CDCA7L: variants seen among roughly 807,000 people sequenced by gnomAD.
CDCA7L encodes the protein cell division cycle associated 7 like.
Under a neutral mutation model 57.4 loss-of-function variants are expected in CDCA7L, and 44 were observed. The observed-to-expected ratio is 0.77, with a 90% confidence interval of 0.60 to 0.98. The LOEUF (loss-of-function observed/expected upper bound fraction) is 0.98. CDCA7L is among the 50% of genes least tolerant of loss of function. The probability of loss-of-function intolerance (pLI) is 0.00; values close to 1 mark genes in which losing one functional copy is unlikely to be tolerated. For missense variants in CDCA7L, 644 were observed against 580.6 expected, an observed-to-expected ratio of 1.11 and a Z score of -1.12; for synonymous variants, 236 against 202.8, an observed-to-expected ratio of 1.16 and a Z score of -1.39.
intron 1 of CDCA7L, among the ~76,000 whole-genome samples, chr7:21,922,966 T>C (rs1253487858): frequency 1.3e-5 from 2 of 152,082 alleles, no homozygotes; most frequent in Admixed American, 1.3e-4. Flanking sequence ...CCTAGAGTGG[T>C]TGAATCCTCG....
intron 1 of CDCA7L, among the ~76,000 whole-genome samples, chr7:21,921,236 A>G (rs1018867786): frequency 2.0e-5 from 3 of 151,948 alleles, no homozygotes; most frequent in African/African-American, 7.3e-5. Context: ...ACAAAAGGAA[A>G]GAGCACACTT....
intron 6 of CDCA7L, 51 bp from the exon 7 acceptor site, chr7:21,905,682 A>AAAATT: frequency 6.4e-7 from 1 of 1,566,834 alleles, no homozygotes; most frequent in Non-Finnish European, 8.6e-7. Flanking sequence ...CAGTTATAAA[A>AAAATT]AAATTATAAA....
chr7:21,941,161 C>T (rs576285737), intron 1 of CDCA7L, among the ~76,000 whole-genome samples: 1 of 152,048 alleles, frequency 6.6e-6, no homozygotes, highest in African/African-American at 2.4e-5. Context: ...CAACACAAGC[C>T]GTAAGATATA....
At chr7:21,918,681 G>C (rs572841115) in intron 1 of CDCA7L, among the ~76,000 whole-genome samples, 2 of 152,040 alleles carry the variant, frequency 1.3e-5, no homozygotes, top group Non-Finnish European at 2.9e-5. Flanking sequence ...ACTTCTAGTT[G>C]GCTTGCTTTT....
chr7:21,901,334 ATTATTCTAACTTT>A lies in CDCA7L; in HGVS notation c.*975_*987del. 7.1e-7 allele frequency: 1 copy of A among 1,414,400 alleles called. No homozygotes were observed. The highest frequency in any genetic ancestry group is 9.3e-7 in the Non-Finnish European group (1 of 1,073,800). The allele number at this position is 1,414,400 out of a possible 1,614,324, so 87.6% of individuals were successfully genotyped here. Reference sequence around the variant, plus strand: ...ATGTTGCTGCACTGTTCCCATGCACATTATTCTAACTTTTTAGTAACTCACACGTGCATTCTTT... The same window carrying A: ...ATGTTGCTGCACTGTTCCCATGCACATTAGTAACTCACACGTGCATTCTTT... On this transcript the variant is annotated 3_prime_UTR_variant, in exon 10 of 10. Coordinates refer to ENST00000406877, the MANE Select transcript of CDCA7L (RefSeq NM_018719.5).
chr7:21,906,938 G>A (rs957454908), intron 4 of CDCA7L, among the ~76,000 whole-genome samples: 5 of 152,104 alleles, frequency 3.3e-5, no homozygotes, highest in East Asian at 3.9e-4. Context: ...TTCCGATCCC[G>A]ACTCGGAGGC....
At chr7:21,902,500 T>C in intron 9 of CDCA7L, 148 bp from the exon 10 acceptor site, 1 of 753,376 alleles carries the variant, frequency 1.3e-6, no homozygotes, top group Non-Finnish European at 2.3e-6. Flanking sequence ...TGCATCAATA[T>C]CCGTATACCC....
intron 1 of CDCA7L, among the ~76,000 whole-genome samples, chr7:21,930,881 C>A (rs111373223): frequency 1.3e-5 from 2 of 151,236 alleles, no homozygotes; most frequent in Non-Finnish European, 3.0e-5. Context: ...CAAAATAGAC[C>A]GCTAGCCAGA....
chr7:21,929,054 G>A (rs1785912923), intron 1 of CDCA7L, among the ~76,000 whole-genome samples: 1 of 152,202 alleles, frequency 6.6e-6, no homozygotes, highest in South Asian at 2.1e-4. Flanking sequence ...GGCAGCCAGA[G>A]AGAAAGGTCA....
intron 1 of CDCA7L, among the ~76,000 whole-genome samples, chr7:21,918,067 C>T (rs141238718): frequency 7.4e-4 from 111 of 149,842 alleles, no homozygotes; most frequent in Middle Eastern, 3.4e-3. Context: ...CTGAGTGTTT[C>T]CTCATGATTA....
At position 21,901,453 on chromosome 7, in the gene CDCA7L, TAATCCCAGTTACTCA is replaced by T. The variant is rs1411698458; in HGVS notation, c.*854_*868del. On this transcript the variant is annotated 3_prime_UTR_variant, in exon 10 of 10. Coordinates refer to ENST00000406877, the MANE Select transcript of CDCA7L (RefSeq NM_018719.5). ...GGCTGAGCGTGGTGGCACACGACTG[TAATCCCAGTTACTCA>T]GGAGGTAGGAGAATCACTTGAACCT... The T allele has an allele frequency of 1.6e-6, 1 of 630,812 alleles. No homozygotes were observed. Among genetic ancestry groups the T allele is most frequent in the Non-Finnish European group, 2.3e-6 (1 of 438,396 alleles). 39.1% of individuals were successfully genotyped at this position (630,812 alleles called of 1,614,324 possible). A position where few individuals can be genotyped will look rare whatever the true frequency, so the allele number is the denominator to read the frequency against.
In CDCA7L at chr7:21,904,224, G is replaced by A. The variant is rs144495438; in HGVS notation, c.1083C>T (p.Ile361=). ...NTCHQCRQKT[I]DTKTVCRNQG... ...GGTTCCGACACACTGTCTTGGTGTC[G>A]ATGGTCTTTTGTCGACACTGATGGC... The change falls in exon 8 of 10, where the codon ATC becomes ATT. Residue 361 remains isoleucine, a synonymous_variant. Coordinates refer to ENST00000406877, the MANE Select transcript of CDCA7L (RefSeq NM_018719.5). The A allele has an allele frequency of 6.7e-3, 10,774 of 1,612,566 alleles. 46 individuals carry two copies. Among genetic ancestry groups the A allele is most frequent in the Non-Finnish European group, 7.6e-3 (8,922 of 1,179,288 alleles).
chr7:21,921,711 A>C (rs1583861506), intron 1 of CDCA7L, among the ~76,000 whole-genome samples: 1 of 152,112 alleles, frequency 6.6e-6, no homozygotes, highest in African/African-American at 2.4e-5. Context: ...AAAATTTCTC[A>C]ATCAATGGAT....
intron 1 of CDCA7L, among the ~76,000 whole-genome samples, chr7:21,929,457 ATTAATC>A (rs1785934181): frequency 6.6e-6 from 1 of 152,100 alleles, no homozygotes; most frequent in African/African-American, 2.4e-5. Context: ...ACATAACAAT[ATTAATC>A]TTAAGTGTAA....
chr7:21,925,104 C>G (rs1291318695), intron 1 of CDCA7L, among the ~76,000 whole-genome samples: 6 of 151,686 alleles, frequency 4.0e-5, no homozygotes, highest in African/African-American at 1.2e-4. Context: ...AACAAACAAA[C>G]AAACAAAAAA....
At chr7:21,939,815 C>T (rs1786284410) in intron 1 of CDCA7L, among the ~76,000 whole-genome samples, 1 of 152,130 alleles carries the variant, frequency 6.6e-6, no homozygotes, top group Non-Finnish European at 1.5e-5. Flanking sequence ...ACGTTTGTTA[C>T]CACGACTACC....
At chr7:21,904,900 C>G (rs1051277033) in intron 7 of CDCA7L, among the ~76,000 whole-genome samples, 1 of 152,216 alleles carries the variant, frequency 6.6e-6, no homozygotes, top group South Asian at 2.1e-4. Context: ...GGCAGAGCCC[C>G]TGAAAGGTGA....
chr7:21,917,294 T>C (rs1554296690), intron 1 of CDCA7L, among the ~76,000 whole-genome samples: 1 of 152,240 alleles, frequency 6.6e-6, no homozygotes, highest in Non-Finnish European at 1.5e-5. Context: ...CTTTTCTTAA[T>C]GTTCACCTAC....
rs765221489 is a variant in CDCA7L at position 21,916,760 on chromosome 7, C to T, written c.159G>A (p.Gly53=). ...TGGAAGGAATCATCCATACCTGTTTCCCTGACTCTAGTGAGTCAAAACTAT... is the reference window on the plus strand; with the variant it reads ...TGGAAGGAATCATCCATACCTGTTTTCCTGACTCTAGTGAGTCAAAACTAT... The part of the protein sequence containing the change: ...SCDSFDSLES[G]KQQDVRFHSK... The change falls in exon 2 of 10, where the codon GGG becomes GGA. Residue 53 remains glycine (G), a synonymous_variant. Coordinates refer to ENST00000406877, the MANE Select transcript of CDCA7L (RefSeq NM_018719.5). 1.9e-6 allele frequency: 3 copies of T among 1,613,910 alleles called. No individual in the cohort carries two copies. Among genetic ancestry groups the T allele is most frequent in the Non-Finnish European group, 2.5e-6 (3 of 1,179,860 alleles).
Sources: gnomAD v4.1 joint callset for allele counts (sites outside exome capture counted in the v4.1 genomes callset) on GRCh38, gnomAD v4.1.1 for gene constraint, MANE v1.5 for transcripts, NCBI Gene and HGNC (gene_info 2026-07-23, HGNC 2026-07-21) for gene names.